Variants in KAZN observed in about 807,000 individuals in gnomAD.
KAZN encodes the protein kazrin, periplakin interacting protein.
Under a neutral mutation model 87.4 loss-of-function variants are expected in KAZN, and 40 were observed. That is an observed-to-expected ratio of 0.46 (90% confidence interval 0.36 to 0.60). The LOEUF is 0.60. Ranked by LOEUF, KAZN falls within the 20% of genes least tolerant of loss-of-function variation. The pLI is 0.00. For missense variants in KAZN, 898 were observed against 1,073.9 expected (o/e 0.84, Z 2.29); for synonymous variants, 466 against 458.3 (o/e 1.02, Z -0.22).
At chr1:14,838,644 A>C (rs1041192817) in intron 1 of KAZN, among the ~76,000 whole-genome samples, 2 of 152,158 alleles carry the variant, frequency 1.3e-5, no homozygotes, top group Non-Finnish European at 2.9e-5. Flanking sequence ...AAGGGGAGAC[A>C]GAGTCTCATT....
intron 2 of KAZN, among the ~76,000 whole-genome samples, chr1:14,426,408 A>G (rs1394381974): frequency 6.6e-6 from 1 of 152,128 alleles, no homozygotes; most frequent in African/African-American, 2.4e-5. Context: ...GTTAGATTGT[A>G]CACTTCATGA....
intron 1 of KAZN, among the ~76,000 whole-genome samples, chr1:14,760,001 G>C (rs1644691238): frequency 6.6e-6 from 1 of 151,776 alleles, no homozygotes; most frequent in Non-Finnish European, 1.5e-5. Flanking sequence ...CTCCTCCCGT[G>C]ACTGACCCAC....
chr1:13,917,099 C>T (rs761069180), intron 1 of KAZN, among the ~76,000 whole-genome samples: 4 of 152,126 alleles, frequency 2.6e-5, no homozygotes, highest in South Asian at 2.1e-4. Flanking sequence ...TGTGTGCACA[C>T]GTGCATGCAT....
At chr1:13,989,473 G>A (rs1355667248) in intron 1 of KAZN, among the ~76,000 whole-genome samples, 1 of 152,102 alleles carries the variant, frequency 6.6e-6, no homozygotes, top group Non-Finnish European at 1.5e-5. Context: ...GATACAAAGT[G>A]GTGACCAAGT....
At chr1:13,982,840 C>T (rs1638804560) in intron 1 of KAZN, among the ~76,000 whole-genome samples, 1 of 151,872 alleles carries the variant, frequency 6.6e-6, no homozygotes, top group Non-Finnish European at 1.5e-5. Flanking sequence ...TGATTATAAA[C>T]CTTGAGCTAG....
At chr1:14,765,735 C>T (rs1216070110) in intron 1 of KAZN, among the ~76,000 whole-genome samples, 1 of 152,096 alleles carries the variant, frequency 6.6e-6, no homozygotes. Flanking sequence ...AAGCCAAAGT[C>T]ACCTGTTAGA....
chr1:14,217,328 A>C (rs1318950647), intron 2 of KAZN, among the ~76,000 whole-genome samples: 2 of 152,160 alleles, frequency 1.3e-5, no homozygotes, highest in Non-Finnish European at 2.9e-5. Context: ...AAAGAGTAAA[A>C]TAGCTTCACA....
chr1:14,498,001 C>A (rs951015383), intron 2 of KAZN, among the ~76,000 whole-genome samples: 1 of 152,200 alleles, frequency 6.6e-6, no homozygotes, highest in African/African-American at 2.4e-5. Context: ...CAATTTCTAT[C>A]CGGTTTCCCT....
chr1:14,943,008 GTGTGTGTGTGTGT>G lies in KAZN; in HGVS notation c.227-17675_227-17663del, dbSNP rs1557644831. ...TGTGAGCTGCGTGTGTGTGTGTGTG[GTGTGTGTGTGTGT>G]GTGTGTGTGTGTGTGTGTGTGTGTG... On this transcript the variant is annotated intron_variant, in intron 1 of 14. Coordinates refer to ENST00000376030, the MANE Select transcript of KAZN (RefSeq NM_201628.3). 1.4e-4 allele frequency among the ~76,000 whole-genome samples: 9 copies of G among 62,220 alleles called. No homozygotes were observed. In the East Asian group the frequency reaches 1.7e-3, roughly 12 times the overall value. The allele number at this position is 62,220 out of a possible 152,430, so 40.8% of individuals were successfully genotyped here.
chr1:14,813,539 C>T (rs1301846413), intron 1 of KAZN, among the ~76,000 whole-genome samples: 1 of 152,200 alleles, frequency 6.6e-6, no homozygotes, highest in Non-Finnish European at 1.5e-5. Flanking sequence ...TGCGACCCCT[C>T]GGTTAATGCC....
At chr1:14,846,528 A>G (rs989928591) in intron 1 of KAZN, among the ~76,000 whole-genome samples, 5 of 152,178 alleles carry the variant, frequency 3.3e-5, no homozygotes, top group Non-Finnish European at 5.9e-5. Context: ...AAAAAAACCT[A>G]GATATGGAAT....
At chr1:15,083,665 G>A (rs184101971) in intron 8 of KAZN, among the ~76,000 whole-genome samples, 2 of 152,018 alleles carry the variant, frequency 1.3e-5, no homozygotes, top group Non-Finnish European at 2.9e-5. Context: ...AGTCTGTCTC[G>A]GTGCTTAGGC....
intron 1 of KAZN, among the ~76,000 whole-genome samples, chr1:14,816,114 C>T (rs1254814319): frequency 6.6e-6 from 1 of 152,092 alleles, no homozygotes; most frequent in Non-Finnish European, 1.5e-5. Context: ...TGGCTTAAGT[C>T]TTCTTCTGCT....
intron 2 of KAZN, among the ~76,000 whole-genome samples, chr1:14,510,378 C>CAAA (rs70997152): frequency 0.012 from 1,666 of 144,536 alleles, 25 homozygotes; most frequent in African/African-American, 0.036. Context: ...AACTCCATCT[C>CAAA]AAAAAAAAAA....
At chr1:14,014,771 A>G (rs1640484575) in intron 1 of KAZN, among the ~76,000 whole-genome samples, 1 of 152,220 alleles carries the variant, frequency 6.6e-6, no homozygotes, top group Non-Finnish European at 1.5e-5. Context: ...AGAGGGTGAG[A>G]AAGTGGAGCC....
rs111350397 is a variant in KAZN at position 14,187,883 on chromosome 1, A to G, written c.249+7291A>G. 1.9e-3 allele frequency among the ~76,000 whole-genome samples: 292 copies of G among 152,266 alleles called. 1 individual carries two copies. The highest frequency in any genetic ancestry group is 3.8e-3 in the Non-Finnish European group (261 of 68,012). ...TATAATTGATCATAATTGATTTTCCAGATACATCTTCGTTATCCATTCACT... is the reference window on the plus strand; with the variant it reads ...TATAATTGATCATAATTGATTTTCCGGATACATCTTCGTTATCCATTCACT... On this transcript the variant is annotated intron_variant, in intron 2 of 16. Coordinates refer to the KAZN transcript ENST00000636203.
At chr1:14,255,119 C>CAAAAAAAA (rs71570191) in intron 2 of KAZN, among the ~76,000 whole-genome samples, 2 of 83,752 alleles carry the variant, frequency 2.4e-5, no homozygotes, top group Non-Finnish European at 5.1e-5. Flanking sequence ...GACTCTGTCT[C>CAAAAAAAA]AAAAAAAAAA....
In KAZN at chr1:14,326,221, C is replaced by T. The variant is rs543910629; in HGVS notation, c.249+145629C>T. On this transcript the variant is annotated intron_variant, in intron 2 of 16. Transcript: ENST00000636203. ...TACCCCCGCCCCACCGCCGAGTTCC[C>T]ACCACCAACACATCTAAGGAAAAGA... Among the ~76,000 whole-genome samples, 307 of 152,266 alleles carry T rather than the reference C, an allele frequency of 2.0e-3. 1 individual carries two copies. The highest frequency in any genetic ancestry group is 7.1e-3 in the African/African-American group (294 of 41,550).
intron 1 of KAZN, among the ~76,000 whole-genome samples, chr1:14,852,930 A>G (rs996266834): frequency 1.3e-5 from 2 of 152,130 alleles, no homozygotes; most frequent in Non-Finnish European, 2.9e-5. Flanking sequence ...CTTTAACCAG[A>G]TCCTCAGGTG....
Sources: gnomAD v4.1 joint callset for allele counts (sites outside exome capture counted in the v4.1 genomes callset) on GRCh38, gnomAD v4.1.1 for gene constraint, MANE v1.5 for transcripts, NCBI Gene and HGNC (gene_info 2026-07-23, HGNC 2026-07-21) for gene names.